LRRTM4: variants seen among roughly 807,000 people sequenced by gnomAD.
LRRTM4 encodes leucine-rich repeat transmembrane neuronal protein 4.
Under a neutral mutation model 47.6 loss-of-function variants are expected in LRRTM4, and 25 were observed. The ratio of observed to expected loss-of-function variants is 0.53; its 90% CI spans 0.38 to 0.73. LRRTM4 has a LOEUF of 0.73. LRRTM4 is among the 30% of genes least tolerant of loss of function. LRRTM4 has a pLI of 0.00. For synonymous variants in LRRTM4, 311 were observed against 269.5 expected (o/e 1.15, Z -1.51); for missense variants, 638 against 713.4 (o/e 0.89, Z 1.20).
intron 3 of LRRTM4, among the ~76,000 whole-genome samples, chr2:77,403,441 AG>A (rs1233220291): frequency 6.6e-6 from 1 of 151,926 alleles, no homozygotes; most frequent in Non-Finnish European, 1.5e-5. Flanking sequence ...GGTGCTTAAT[AG>A]TTGAATAAAG....
At chr2:76,780,484 C>T (rs1442014393) in intron 3 of LRRTM4, among the ~76,000 whole-genome samples, 1 of 151,710 alleles carries the variant, frequency 6.6e-6, no homozygotes, top group African/African-American at 2.4e-5. Flanking sequence ...TCCTCTAAAC[C>T]CCTTCTCGCT....
intron 3 of LRRTM4, among the ~76,000 whole-genome samples, chr2:77,081,054 C>T (rs1252843998): frequency 6.6e-6 from 1 of 152,154 alleles, no homozygotes; most frequent in African/African-American, 2.4e-5. Context: ...GCCTCCCATG[C>T]TGCTTATGTA....
At chr2:77,393,341 G>A (rs920023538) in intron 3 of LRRTM4, among the ~76,000 whole-genome samples, 4 of 151,970 alleles carry the variant, frequency 2.6e-5, no homozygotes, top group African/African-American at 9.6e-5. Context: ...AGTCCTATTC[G>A]ACAACTGTTA....
intron 3 of LRRTM4, among the ~76,000 whole-genome samples, chr2:77,264,346 A>T (rs1211374569): frequency 6.8e-6 from 1 of 147,510 alleles, no homozygotes; most frequent in Non-Finnish European, 1.5e-5. Context: ...GAGAGAAAGT[A>T]CAACCATGCA....
At chr2:77,258,652 T>A (rs1237055812) in intron 3 of LRRTM4, among the ~76,000 whole-genome samples, 1 of 151,924 alleles carries the variant, frequency 6.6e-6, no homozygotes, top group Non-Finnish European at 1.5e-5. Context: ...AGTAAACTCG[T>A]AAACCCTTTT....
chr2:76,956,234 T>C lies in LRRTM4; in HGVS notation c.1552-207318A>G, dbSNP rs546051763. The stretch of plus-strand genomic sequence containing the variant: ...TTTAACAAATTTAAGAAGACTGGCA[T>C]AATGGCAAGTGTCTTCTCTGACCAC... On this transcript the variant is annotated intron_variant, in intron 3 of 3. Coordinates refer to ENST00000409884, the MANE Select transcript of LRRTM4 (RefSeq NM_001134745.3). Among the ~76,000 whole-genome samples the C allele has an allele frequency of 1.5e-4, 23 of 151,832 alleles. No homozygotes were observed. In the Middle Eastern group the frequency reaches 0.01, roughly 67 times the overall value.
chr2:76,913,693 C>T (rs952867158), intron 3 of LRRTM4, among the ~76,000 whole-genome samples: 1 of 151,964 alleles, frequency 6.6e-6, no homozygotes, highest in Non-Finnish European at 1.5e-5. Flanking sequence ...GCATGCACCA[C>T]CACACCAGCT....
At chr2:76,760,737 A>C (rs1194437539) in intron 3 of LRRTM4, among the ~76,000 whole-genome samples, 1 of 152,198 alleles carries the variant, frequency 6.6e-6, no homozygotes, top group Non-Finnish European at 1.5e-5. Flanking sequence ...TTTGCAAAAA[A>C]AATCATCTCT....
chr2:76,866,792 G>C (rs1226228906), intron 3 of LRRTM4, among the ~76,000 whole-genome samples: 2 of 152,126 alleles, frequency 1.3e-5, no homozygotes, highest in African/African-American at 4.8e-5. Flanking sequence ...TGTAAATAAT[G>C]CTGCAATAAA....
intron 3 of LRRTM4, among the ~76,000 whole-genome samples, chr2:77,506,880 G>A (rs1165256440): frequency 1.3e-5 from 2 of 151,858 alleles, no homozygotes; most frequent in Non-Finnish European, 2.9e-5. Flanking sequence ...GTTTTCAAAA[G>A]CATTCCTATT....
At chr2:76,779,850 C>G (rs1674259889) in intron 3 of LRRTM4, among the ~76,000 whole-genome samples, 1 of 151,970 alleles carries the variant, frequency 6.6e-6, no homozygotes, top group Non-Finnish European at 1.5e-5. Context: ...CAGTTTCTTC[C>G]TAGTCTTGAT....
At chr2:77,186,454 G>A (rs1253216674) in intron 3 of LRRTM4, among the ~76,000 whole-genome samples, 1 of 152,026 alleles carries the variant, frequency 6.6e-6, no homozygotes, top group Non-Finnish European at 1.5e-5. Flanking sequence ...TCTTTTGTTT[G>A]TTTCATTCAT....
intron 3 of LRRTM4, among the ~76,000 whole-genome samples, chr2:77,200,750 A>G (rs1240664346): frequency 1.3e-5 from 2 of 152,132 alleles, no homozygotes; most frequent in Non-Finnish European, 2.9e-5. Context: ...GTTTGAAATG[A>G]TTTGTTCTGT....
intron 3 of LRRTM4, among the ~76,000 whole-genome samples, chr2:77,213,053 AAAGTT>A (rs1482558317): frequency 3.9e-5 from 6 of 152,106 alleles, no homozygotes; most frequent in African/African-American, 1.4e-4. Flanking sequence ...TCTTCTATTC[AAAGTT>A]AAGTTAATTG....
intron 3 of LRRTM4, among the ~76,000 whole-genome samples, chr2:76,975,669 A>G (rs1478156054): frequency 2.0e-5 from 3 of 151,712 alleles, no homozygotes; most frequent in Admixed American, 6.6e-5. Flanking sequence ...GAACTACTCT[A>G]CTAGGTAGAA....
chr2:77,014,748 G>T (rs1371146689), intron 3 of LRRTM4, among the ~76,000 whole-genome samples: 1 of 152,100 alleles, frequency 6.6e-6, no homozygotes, highest in Admixed American at 6.6e-5. Flanking sequence ...GGAGGTGGAG[G>T]TTGCAGTGAG....
chr2:77,299,377 GTA>G (rs1451111530), intron 3 of LRRTM4, among the ~76,000 whole-genome samples: 1 of 149,964 alleles, frequency 6.7e-6, no homozygotes, highest in South Asian at 2.1e-4. Flanking sequence ...ATATATATAC[GTA>G]TATATGTGTG....
At chr2:76,818,070 G>A (rs953121764) in intron 3 of LRRTM4, among the ~76,000 whole-genome samples, 6 of 151,890 alleles carry the variant, frequency 4.0e-5, no homozygotes, top group African/African-American at 1.2e-4. Context: ...GGCAGTTGTA[G>A]TTTGTAGCTT....
chr2:77,152,579 C>T (rs975189534), intron 3 of LRRTM4, among the ~76,000 whole-genome samples: 1 of 152,110 alleles, frequency 6.6e-6, no homozygotes, highest in Non-Finnish European at 1.5e-5. Flanking sequence ...CTGCCTGCCT[C>T]GGCCTCCCAA....
Sources: allele counts gnomAD v4.1 joint callset (sites outside exome capture counted in the v4.1 genomes callset), GRCh38; gene constraint gnomAD v4.1.1; transcripts MANE v1.5; gene names NCBI Gene and HGNC (gene_info 2026-07-23, HGNC 2026-07-21).